CADM2: variants seen among roughly 807,000 people sequenced by gnomAD.
The protein encoded by CADM2 is immunoglobulin superfamily member 4D.
CADM2 carries 12 observed loss-of-function variants against 49.8 expected under a neutral mutation model. That is an observed-to-expected ratio of 0.24 (90% CI 0.15 to 0.39). CADM2 has a LOEUF of 0.39. CADM2 is among the 10% of genes least tolerant of loss of function. The probability of loss-of-function intolerance (pLI) is 1.00; values close to 1 mark genes in which losing one functional copy is unlikely to be tolerated. For missense variants in CADM2, 378 were observed against 492.3 expected (o/e 0.77, Z 2.20); for synonymous variants, 214 against 175.4 (o/e 1.22, Z -1.74).
At chr3:85,494,920 C>A (rs9844512) in intron 1 of CADM2, among the ~76,000 whole-genome samples, 25,632 of 151,886 alleles carry the variant, frequency 0.17, 2,678 homozygotes, top group Non-Finnish European at 0.23. Context: ...ATGAATGGGG[C>A]GAAAGAAAAC....
At chr3:85,562,302 G>T (rs1204245341) in intron 1 of CADM2, among the ~76,000 whole-genome samples, 2 of 151,708 alleles carry the variant, frequency 1.3e-5, no homozygotes, top group Non-Finnish European at 2.9e-5. Context: ...AACATTGAGA[G>T]ACCTGATCTC....
chr3:85,575,459 G>A (rs572983925), intron 1 of CADM2, among the ~76,000 whole-genome samples: 70 of 152,298 alleles, frequency 4.6e-4, no homozygotes, highest in African/African-American at 1.6e-3. Context: ...GCTGAGGCAG[G>A]AGAATGGCGT....
At chr3:85,265,613 A>C (rs967789421) in intron 1 of CADM2, among the ~76,000 whole-genome samples, 3 of 152,038 alleles carry the variant, frequency 2.0e-5, no homozygotes. Context: ...ACTAATCACC[A>C]ATTAAAAGTC....
intron 1 of CADM2, among the ~76,000 whole-genome samples, chr3:85,541,269 A>G (rs78133684): frequency 0.22 from 30,032 of 134,644 alleles, 3,745 homozygotes; most frequent in East Asian, 0.42. Flanking sequence ...ATGTATGTGT[A>G]TATATGTCAC....
In CADM2 at chr3:85,908,214, G is replaced by A. The variant is rs866043114; in HGVS notation, c.530-4159G>A. Among the ~76,000 whole-genome samples the A allele has an allele frequency of 2.7e-5, 4 of 148,464 alleles. No homozygotes were observed. The South Asian group carries it at 6.4e-4, about 24-fold the overall frequency. On this transcript the variant is annotated intron_variant, in intron 5 of 9. Coordinates refer to ENST00000383699, the MANE Select transcript of CADM2 (RefSeq NM_001167675.2). ...TATGATATTTTGTGAAAAAAAATTG[G>A]ATGCAAGAAAATCAAGATATCTTGG...
chr3:85,412,152 G>A (rs9880919), intron 1 of CADM2, among the ~76,000 whole-genome samples: 37,511 of 151,968 alleles, frequency 0.25, 4,805 homozygotes, highest in South Asian at 0.34. Flanking sequence ...TCTTTGAAAA[G>A]CCTTACACAT....
chr3:85,397,953 C>A (rs1032161215), intron 1 of CADM2, among the ~76,000 whole-genome samples: 4 of 151,964 alleles, frequency 2.6e-5, no homozygotes, highest in African/African-American at 4.8e-5. Flanking sequence ...ATGTTAGTAG[C>A]CAGATTCCTG....
intron 1 of CADM2, among the ~76,000 whole-genome samples, chr3:85,646,435 A>AT (rs1343248327): frequency 6.6e-6 from 1 of 151,942 alleles, no homozygotes; most frequent in African/African-American, 2.4e-5. Context: ...TGACAGGGTG[A>AT]TTTTCTCTAA....
At chr3:85,544,776 T>A (rs1335491714) in intron 1 of CADM2, among the ~76,000 whole-genome samples, 1 of 151,296 alleles carries the variant, frequency 6.6e-6, no homozygotes, top group Non-Finnish European at 1.5e-5. Flanking sequence ...ATTTTGCATA[T>A]CTCATGGCTA....
intron 1 of CADM2, among the ~76,000 whole-genome samples, chr3:85,393,631 T>C (rs2034623783): frequency 2.0e-5 from 3 of 152,116 alleles, no homozygotes; most frequent in African/African-American, 7.2e-5. Context: ...GAAAGAGATT[T>C]ATTGATACAG....
intron 1 of CADM2, among the ~76,000 whole-genome samples, chr3:85,046,311 T>C (rs2035651181): frequency 6.6e-6 from 1 of 151,082 alleles, no homozygotes; most frequent in African/African-American, 2.4e-5. Flanking sequence ...CCAAATCCTT[T>C]ACAATTTTCT....
At chr3:85,611,975 A>G (rs1324191022) in intron 1 of CADM2, among the ~76,000 whole-genome samples, 1 of 151,848 alleles carries the variant, frequency 6.6e-6, no homozygotes, top group African/African-American at 2.4e-5. Flanking sequence ...AATAGGTTTC[A>G]TTCCTAGTCA....
At chr3:85,588,696 C>T (rs2063014279) in intron 1 of CADM2, among the ~76,000 whole-genome samples, 1 of 151,848 alleles carries the variant, frequency 6.6e-6, no homozygotes, top group African/African-American at 2.4e-5. Flanking sequence ...CTTATGTTTC[C>T]AGTAGCAACA....
intron 1 of CADM2, among the ~76,000 whole-genome samples, chr3:85,125,598 C>A (rs2039007410): frequency 6.6e-6 from 1 of 152,118 alleles, no homozygotes; most frequent in Non-Finnish European, 1.5e-5. Flanking sequence ...GAGCTCAAGG[C>A]ATCCACCTGC....
chr3:85,282,267 C>CTT (rs1559757566), intron 1 of CADM2, among the ~76,000 whole-genome samples: 1 of 113,610 alleles, frequency 8.8e-6, no homozygotes, highest in Admixed American at 8.8e-5. Flanking sequence ...TTTTTTTTTG[C>CTT]CTTTTTTTTT....
intron 1 of CADM2, among the ~76,000 whole-genome samples, chr3:85,218,750 T>A (rs889593145): frequency 1.3e-5 from 2 of 152,134 alleles, no homozygotes; most frequent in Non-Finnish European, 2.9e-5. Flanking sequence ...GAGCCGAGAT[T>A]ACGCCCACTG....
intron 1 of CADM2, among the ~76,000 whole-genome samples, chr3:85,501,503 G>A (rs1266367306): frequency 1.3e-5 from 2 of 152,108 alleles, no homozygotes; most frequent in Non-Finnish European, 2.9e-5. Context: ...TTTGGAATGA[G>A]AGAATAAAGA....
chr3:86,026,127 C>G (rs956852006), intron 8 of CADM2, among the ~76,000 whole-genome samples: 2 of 152,058 alleles, frequency 1.3e-5, no homozygotes, highest in Non-Finnish European at 2.9e-5. Flanking sequence ...GGATGCTCTT[C>G]ATTGTGTGGA....
At chr3:85,851,056 C>G (rs1386014997) in intron 3 of CADM2, among the ~76,000 whole-genome samples, 1 of 152,150 alleles carries the variant, frequency 6.6e-6, no homozygotes, top group Non-Finnish European at 1.5e-5. Flanking sequence ...ACTTCCAATG[C>G]AACCCTCAAA....
Sources: allele counts gnomAD v4.1 joint callset (sites outside exome capture counted in the v4.1 genomes callset), GRCh38; gene constraint gnomAD v4.1.1; transcripts MANE v1.5; gene names NCBI Gene and HGNC (gene_info 2026-07-23, HGNC 2026-07-21).